NOS1AP: variants seen among roughly 807,000 people sequenced by gnomAD.
NOS1AP encodes the protein carboxyl-terminal PDZ ligand of neuronal nitric oxide synthase protein.
In NOS1AP, 21 loss-of-function variants were observed where a neutral mutation model predicts 56.2. The ratio of observed to expected loss-of-function variants is 0.37; its 90% CI spans 0.26 to 0.54. The LOEUF is 0.54. Among genes scored for constraint, NOS1AP ranks in the 20% least tolerant of loss-of-function variants. NOS1AP has a pLI of 0.84. For synonymous variants in NOS1AP, 270 were observed against 274.6 expected (o/e 0.98, Z 0.17); for missense variants, 522 against 657.8 (o/e 0.79, Z 2.26).
chr1:162,260,784 T>A (rs894105009), intron 2 of NOS1AP, among the ~76,000 whole-genome samples: 1 of 152,178 alleles, frequency 6.6e-6, no homozygotes, highest in African/African-American at 2.4e-5. Context: ...GAGATGATTT[T>A]TTTTTAATAG....
At chr1:162,244,897 G>A (rs1306991447) in intron 2 of NOS1AP, among the ~76,000 whole-genome samples, 1 of 152,156 alleles carries the variant, frequency 6.6e-6, no homozygotes, top group African/African-American at 2.4e-5. Context: ...CTCCTCCTGG[G>A]CATGCATGAG....
intron 2 of NOS1AP, among the ~76,000 whole-genome samples, chr1:162,248,780 G>A (rs1170378236): frequency 1.3e-5 from 2 of 152,092 alleles, no homozygotes; most frequent in Admixed American, 6.5e-5. Context: ...AAACATTCAT[G>A]TCCCTAATTC....
At chr1:162,338,107 C>T (rs446324) in intron 5 of NOS1AP, among the ~76,000 whole-genome samples, 68,820 of 151,976 alleles carry the variant, frequency 0.45, 16,572 homozygotes, top group Middle Eastern at 0.58. Flanking sequence ...AAGGTCAAGA[C>T]AAGGACATTA....
intron 2 of NOS1AP, among the ~76,000 whole-genome samples, chr1:162,250,374 A>G (rs1195879143): frequency 6.6e-6 from 1 of 152,236 alleles, no homozygotes; most frequent in Admixed American, 6.5e-5. Flanking sequence ...TTAAAAAAGA[A>G]TATCCACTGA....
At chr1:162,097,626 G>T (rs115140452) in intron 1 of NOS1AP, among the ~76,000 whole-genome samples, 520 of 152,252 alleles carry the variant, frequency 3.4e-3, no homozygotes, top group African/African-American at 0.012. Flanking sequence ...CATTCTGTCT[G>T]TTCACCACTT....
chr1:162,232,289 G>A (rs1653146128), intron 2 of NOS1AP, among the ~76,000 whole-genome samples: 1 of 152,102 alleles, frequency 6.6e-6, no homozygotes, highest in Non-Finnish European at 1.5e-5. Context: ...ATGGGACAAG[G>A]GAAGGTGGTT....
intron 4 of NOS1AP, among the ~76,000 whole-genome samples, chr1:162,329,502 A>G (rs1379017250): frequency 1.3e-5 from 2 of 152,184 alleles, no homozygotes; most frequent in African/African-American, 2.4e-5. Context: ...AGTTGGGAAA[A>G]TTGACTAAGG....
intron 5 of NOS1AP, among the ~76,000 whole-genome samples, chr1:162,336,027 A>C (rs1656929732): frequency 6.6e-6 from 1 of 152,068 alleles, no homozygotes; most frequent in Non-Finnish European, 1.5e-5. Context: ...GTTTTTTTTC[A>C]AGTGGGCTTT....
chr1:162,098,466 C>A (rs1646846327), intron 1 of NOS1AP, among the ~76,000 whole-genome samples: 2 of 150,794 alleles, frequency 1.3e-5, no homozygotes, highest in Non-Finnish European at 2.9e-5. Flanking sequence ...AGGTGCCTTA[C>A]AGTTTTGTTT....
intron 2 of NOS1AP, among the ~76,000 whole-genome samples, chr1:162,191,964 C>A (rs970490321): frequency 6.6e-6 from 1 of 152,180 alleles, no homozygotes; most frequent in Admixed American, 6.5e-5. Flanking sequence ...GAGTGGTTGT[C>A]CCCTGGAAGA....
rs148346787 is a variant in NOS1AP, at chr1:162,180,903, G to A, written c.177+26427G>A. On this transcript the variant is annotated intron_variant, in intron 2 of 9. Coordinates refer to ENST00000361897, the MANE Select transcript of NOS1AP (RefSeq NM_014697.3). Reference sequence around the variant, plus strand: ...GTTGCTTTAAGCCTTGAAGTTTGTGGCCATTATTATGCAGCAAGTAGAAAA... The same window carrying A: ...GTTGCTTTAAGCCTTGAAGTTTGTGACCATTATTATGCAGCAAGTAGAAAA... Among the ~76,000 whole-genome samples the A allele has an allele frequency of 2.3e-3, 354 of 152,276 alleles. 6 individuals are homozygous for A. Among genetic ancestry groups the A allele is most frequent in the African/African-American group, 8.0e-3 (332 of 41,546 alleles).
At chr1:162,080,025 G>T (rs1002422170) in intron 1 of NOS1AP, among the ~76,000 whole-genome samples, 7 of 152,260 alleles carry the variant, frequency 4.6e-5, no homozygotes, top group African/African-American at 1.4e-4. Flanking sequence ...AAAAATCACA[G>T]AATCTTAAGT....
intron 2 of NOS1AP, among the ~76,000 whole-genome samples, chr1:162,155,520 T>C (rs1649936023): frequency 6.6e-6 from 1 of 151,460 alleles, no homozygotes. Context: ...AATGTGAGAT[T>C]TGAACAAAAT....
chr1:162,136,573 C>G (rs760508428), intron 1 of NOS1AP, among the ~76,000 whole-genome samples: 1 of 152,134 alleles, frequency 6.6e-6, no homozygotes, highest in Admixed American at 6.5e-5. Context: ...TGGTATGATA[C>G]CCTGGGCTTA....
intron 5 of NOS1AP, among the ~76,000 whole-genome samples, chr1:162,338,059 A>G (rs1229532224): frequency 6.6e-6 from 1 of 152,192 alleles, no homozygotes; most frequent in African/African-American, 2.4e-5. Flanking sequence ...AAGAAACATG[A>G]CATTCAGTTC....
At chr1:162,260,780 AT>A (rs35222272) in intron 2 of NOS1AP, among the ~76,000 whole-genome samples, 55,856 of 151,544 alleles carry the variant, frequency 0.37, 13,016 homozygotes, top group Non-Finnish European at 0.53. Context: ...AAGGGAGATG[AT>A]TTTTTTTTAA....
At chr1:162,177,707 A>G (rs1190623976) in intron 2 of NOS1AP, among the ~76,000 whole-genome samples, 1 of 152,218 alleles carries the variant, frequency 6.6e-6, no homozygotes, top group African/African-American at 2.4e-5. Context: ...TTATTTTTAG[A>G]GTAATTTTAG....
At chr1:162,093,954 A>G (rs1326888665) in intron 1 of NOS1AP, among the ~76,000 whole-genome samples, 1 of 152,170 alleles carries the variant, frequency 6.6e-6, no homozygotes, top group East Asian at 1.9e-4. Flanking sequence ...TTATGTTTCT[A>G]ATGATTTTGA....
intron 4 of NOS1AP, among the ~76,000 whole-genome samples, chr1:162,321,632 T>G (rs1426568368): frequency 6.6e-6 from 1 of 151,558 alleles, no homozygotes; most frequent in East Asian, 1.9e-4. Flanking sequence ...GACGAGTTCA[T>G]GGGTGCAGCA....
Sources: allele counts gnomAD v4.1 joint callset (sites outside exome capture counted in the v4.1 genomes callset), GRCh38; gene constraint gnomAD v4.1.1; transcripts MANE v1.5; gene names NCBI Gene and HGNC (gene_info 2026-07-23, HGNC 2026-07-21).